Variants in CPVL observed in about 807,000 individuals in gnomAD.
The protein encoded by CPVL is carboxypeptidase vitellogenic like.
In CPVL, 51 loss-of-function variants were observed where a neutral mutation model predicts 63.7. That is an observed-to-expected ratio of 0.80 (90% CI 0.64 to 1.01). The LOEUF is 1.01. CPVL is among the 50% of genes least tolerant of loss of function. The pLI is 0.00. For missense variants in CPVL, 530 were observed against 573.1 expected (o/e 0.92, Z 0.77); for synonymous variants, 195 against 206.0 (o/e 0.95, Z 0.46).
intron 7 of CPVL, among the ~76,000 whole-genome samples, chr7:29,084,408 A>G (rs575111496): frequency 1.7e-4 from 26 of 152,342 alleles, no homozygotes; most frequent in African/African-American, 6.3e-4. Context: ...ATCTCGTCAG[A>G]CAATCTTATC....
intron 2 of CPVL, 184 bp from the exon 3 acceptor site, chr7:29,113,006 C>T (rs1396853705): frequency 4.0e-6 from 2 of 496,676 alleles, no homozygotes; most frequent in Non-Finnish European, 3.6e-6. Context: ...TCCACGTTCA[C>T]AATTTAGCCA....
chr7:29,084,099 T>C (rs1245036713), intron 7 of CPVL, among the ~76,000 whole-genome samples: 2 of 152,156 alleles, frequency 1.3e-5, no homozygotes, highest in East Asian at 1.9e-4. Flanking sequence ...AGATACTCAA[T>C]ATATCTGTGC....
At chr7:29,009,339 A>G (rs182664226) in intron 12 of CPVL, 1 of 152,270 alleles carries the variant, frequency 6.6e-6, no homozygotes, top group Admixed American at 6.5e-5. Context: ...TGCTGAGATC[A>G]TGGAATAATC....
intron 5 of CPVL, among the ~76,000 whole-genome samples, chr7:29,162,616 G>A (rs553215242): frequency 2.5e-4 from 37 of 149,628 alleles, no homozygotes; most frequent in African/African-American, 4.7e-4. Flanking sequence ...AGCCGAGATC[G>A]TGCCATTGCA....
intron 3 of CPVL, among the ~76,000 whole-genome samples, chr7:29,104,585 C>T (rs931850302): frequency 6.6e-6 from 1 of 152,130 alleles, no homozygotes; most frequent in Non-Finnish European, 1.5e-5. Context: ...TGTTTTGAGG[C>T]CTTCTTGCAT....
intron 12 of CPVL, among the ~76,000 whole-genome samples, chr7:29,018,102 A>G (rs1786595287): frequency 6.6e-6 from 1 of 152,226 alleles, no homozygotes. Flanking sequence ...GCAATCAGGA[A>G]AATCAGCCTG....
chr7:29,073,694 T>G (rs1783966895), intron 7 of CPVL, among the ~76,000 whole-genome samples: 2 of 152,240 alleles, frequency 1.3e-5, no homozygotes, highest in Non-Finnish European at 2.9e-5. Flanking sequence ...TCCTTAATAC[T>G]TATCATTCTC....
At position 29,064,342 on chromosome 7, in the gene CPVL, C is replaced by T. The variant is rs541203745; in HGVS notation, c.964-108G>A. On this transcript the variant is annotated intron_variant, in intron 10 of 12. Transcript: ENST00000265394. ...TAACATACAACATGGAGAAACGTGA[C>T]GGGACTATTAACTTGTCGCCATTCT... 65 of 614,196 alleles carry T rather than the reference C, an allele frequency of 1.1e-4. 2 individuals carry two copies. In the South Asian group the frequency reaches 1.6e-3, roughly 15 times the overall value. The allele number at this position is 614,196 out of a possible 1,614,324, so 38.0% of individuals were successfully genotyped here. A position where few individuals can be genotyped will look rare whatever the true frequency, so the allele number is the denominator to read the frequency against.
intron 12 of CPVL, among the ~76,000 whole-genome samples, chr7:29,030,303 A>G (rs1787900732): frequency 1.3e-5 from 2 of 152,204 alleles, no homozygotes; most frequent in South Asian, 4.1e-4. Context: ...TTCTCTCATT[A>G]ATGATTTGCC....
intron 11 of CPVL, among the ~76,000 whole-genome samples, chr7:29,049,370 A>G (rs1789931361): frequency 6.6e-6 from 1 of 152,144 alleles, no homozygotes; most frequent in African/African-American, 2.4e-5. Flanking sequence ...AAGATCATTC[A>G]AGGCTACTAT....
intron 11 of CPVL, among the ~76,000 whole-genome samples, chr7:29,041,475 A>C (rs978904426): frequency 6.6e-6 from 1 of 152,164 alleles, no homozygotes; most frequent in Admixed American, 6.5e-5. Flanking sequence ...TGCCTGTCAG[A>C]AGGTCAGCTT....
At chr7:29,079,162 T>A (rs1232796911) in intron 7 of CPVL, among the ~76,000 whole-genome samples, 2 of 152,192 alleles carry the variant, frequency 1.3e-5, no homozygotes, top group African/African-American at 4.8e-5. Context: ...CTAGAGAACT[T>A]CTTTTCTGTT....
chr7:29,129,197 G>A (rs1790412476), intron 1 of CPVL, among the ~76,000 whole-genome samples: 1 of 152,180 alleles, frequency 6.6e-6, no homozygotes, highest in South Asian at 2.1e-4. Flanking sequence ...CTGGGGTCAA[G>A]GAGTAGCAGG....
intron 1 of CPVL, among the ~76,000 whole-genome samples, chr7:29,136,119 A>T (rs1230276032): frequency 6.6e-6 from 1 of 152,370 alleles, no homozygotes; most frequent in East Asian, 1.9e-4. Flanking sequence ...TGCATATTGG[A>T]GCAGTAAGAT....
At chr7:29,178,389 C>T (rs1400460661) in intron 5 of CPVL, among the ~76,000 whole-genome samples, 4 of 152,124 alleles carry the variant, frequency 2.6e-5, no homozygotes, top group African/African-American at 4.8e-5. Flanking sequence ...CCTCTGCGTG[C>T]GGTTTCATTC....
chr7:29,035,660 G>A (rs1788457450), intron 11 of CPVL, among the ~76,000 whole-genome samples: 1 of 152,200 alleles, frequency 6.6e-6, no homozygotes, highest in African/African-American at 2.4e-5. Flanking sequence ...CCCAGGCCTT[G>A]CACAGTGCCT....
At chr7:29,057,398 T>C (rs748424618) in intron 11 of CPVL, among the ~76,000 whole-genome samples, 43 of 152,346 alleles carry the variant, frequency 2.8e-4, no homozygotes, top group Non-Finnish European at 5.7e-4. Flanking sequence ...TGGTTAACAG[T>C]CCATTATCGG....
intron 1 of CPVL, among the ~76,000 whole-genome samples, chr7:29,131,275 C>A (rs1790667085): frequency 1.3e-5 from 2 of 152,012 alleles, no homozygotes; most frequent in Admixed American, 6.6e-5. Flanking sequence ...CACCGGGTGG[C>A]AAATACAGGC....
intron 6 of CPVL, among the ~76,000 whole-genome samples, chr7:29,090,786 A>G (rs1785693235): frequency 6.6e-6 from 1 of 152,226 alleles, no homozygotes; most frequent in South Asian, 2.1e-4. Flanking sequence ...TTCGTGAAAA[A>G]GTTTTATTTC....
Sources: gnomAD v4.1 joint callset for allele counts (sites outside exome capture counted in the v4.1 genomes callset) on GRCh38, gnomAD v4.1.1 for gene constraint, MANE v1.5 for transcripts, NCBI Gene and HGNC (gene_info 2026-07-23, HGNC 2026-07-21) for gene names.